Variants in COL5A2 observed in about 807,000 individuals in gnomAD.
COL5A2 encodes the protein collagen type V alpha 2 chain, also known as collagen alpha-2(V) chain.
In COL5A2, 23 loss-of-function variants were observed where a neutral mutation model predicts 208.2. The ratio of observed to expected loss-of-function variants is 0.11; its 90% CI spans 0.08 to 0.16. COL5A2 has a LOEUF of 0.16. Among genes scored for constraint, COL5A2 ranks in the 10% least tolerant of loss-of-function variants. The pLI is 1.00. For synonymous variants in COL5A2, 625 were observed against 628.5 expected, an observed-to-expected ratio of 0.99 and a Z score of 0.08; for missense variants, 1,590 against 1,956.4, an observed-to-expected ratio of 0.81 and a Z score of 3.53.
At chr2:189,440,033 A>G in the COL5A2 span, among the ~76,000 whole-genome samples, 2 of 152,244 alleles carry the variant, frequency 1.3e-5, no homozygotes, top group Non-Finnish European at 2.9e-5. Context: ...CACAGTCATG[A>G]AAGAGAAAGC....
intron 1 of COL5A2, among the ~76,000 whole-genome samples, chr2:189,143,596 T>C (rs1687977494): frequency 6.6e-6 from 1 of 152,178 alleles, no homozygotes; most frequent in Admixed American, 6.6e-5. Context: ...ATCCATTGTG[T>C]CCATTATACT....
In COL5A2 at chr2:189,224,608, A is replaced by T. The variant is rs553429441; in HGVS notation, c.-42+540T>A. 2.0e-5 allele frequency among the ~76,000 whole-genome samples: 3 copies of T among 152,074 alleles called. No individual in the cohort carries two copies. The East Asian group carries it at 5.8e-4, about 30-fold the overall frequency. On this transcript the variant is annotated intron_variant, in intron 1 of 10. Coordinates refer to the COL5A2 transcript ENST00000649966. Reference sequence around the variant, plus strand: ...GGAGGCTGAGGCAGGAGAATCACTTAAACACAAAAGGCGGAGGTTGAAGTG... The same window carrying T: ...GGAGGCTGAGGCAGGAGAATCACTTTAACACAAAAGGCGGAGGTTGAAGTG...
At chr2:189,077,233 C>G (rs1462108811) in intron 16 of COL5A2, among the ~76,000 whole-genome samples, 2 of 152,068 alleles carry the variant, frequency 1.3e-5, no homozygotes. Context: ...TTCTGGACAC[C>G]ACACCAATAA....
At chr2:189,340,881 T>TAA in the COL5A2 span, among the ~76,000 whole-genome samples, 1 of 152,194 alleles carries the variant, frequency 6.6e-6, no homozygotes. Context: ...TCCAAAGACG[T>TAA]TTAAAGCCTC....
chr2:189,186,160 AT>A (rs199656713), intron 1 of COL5A2, among the ~76,000 whole-genome samples: 1 of 151,008 alleles, frequency 6.6e-6, no homozygotes, highest in Non-Finnish European at 1.5e-5. Flanking sequence ...ACAATCAGCT[AT>A]TTTTTTTTAA....
the COL5A2 span, among the ~76,000 whole-genome samples, chr2:189,394,599 C>T: frequency 6.6e-6 from 1 of 152,188 alleles, no homozygotes; most frequent in African/African-American, 2.4e-5. Flanking sequence ...TCTTCCAGAA[C>T]CATGAGAAAT....
At chr2:189,335,899 A>C in the COL5A2 span, among the ~76,000 whole-genome samples, 2 of 152,132 alleles carry the variant, frequency 1.3e-5, no homozygotes, top group African/African-American at 4.8e-5. Context: ...TAAAGAGTGA[A>C]TTTGATGGGA....
chr2:189,114,091 TCTC>T (rs1687339163), intron 1 of COL5A2, among the ~76,000 whole-genome samples: 1 of 152,184 alleles, frequency 6.6e-6, no homozygotes, highest in African/African-American at 2.4e-5. Context: ...TGGCTTCCCT[TCTC>T]CTGAGAATTT....
At chr2:189,253,718 T>G in the COL5A2 span, among the ~76,000 whole-genome samples, 3 of 152,258 alleles carry the variant, frequency 2.0e-5, no homozygotes, top group Admixed American at 2.0e-4. Flanking sequence ...CAATTAAATT[T>G]GGTCGAAGTT....
the COL5A2 span, among the ~76,000 whole-genome samples, chr2:189,241,392 A>G: frequency 2.0e-5 from 3 of 152,226 alleles, no homozygotes; most frequent in South Asian, 4.1e-4. Flanking sequence ...AAATAAATTG[A>G]ATGAACATTG....
the COL5A2 span, among the ~76,000 whole-genome samples, chr2:189,415,337 T>A: frequency 6.6e-6 from 1 of 152,356 alleles, no homozygotes. Flanking sequence ...ATTTTGAATT[T>A]TCTTGAACCG....
intron 1 of COL5A2, among the ~76,000 whole-genome samples, chr2:189,209,534 A>T (rs1198454460): frequency 6.6e-6 from 1 of 152,228 alleles, no homozygotes; most frequent in Non-Finnish European, 1.5e-5. Flanking sequence ...TCAAGTAATG[A>T]GCCCCAGGTC....
chr2:189,203,635 A>G (rs1056140332), intron 1 of COL5A2, among the ~76,000 whole-genome samples: 1 of 152,184 alleles, frequency 6.6e-6, no homozygotes, highest in African/African-American at 2.4e-5. Flanking sequence ...CCCTACTTAC[A>G]TGGTTACAGT....
chr2:189,417,119 C>T, the COL5A2 span, among the ~76,000 whole-genome samples: 647 of 152,182 alleles, frequency 4.3e-3, 2 homozygotes, highest in African/African-American at 0.015. Context: ...AAATTTTAAA[C>T]GTTCTTCTAG....
intron 52 of COL5A2, 101 bp downstream of exon 52, chr2:189,036,515 A>C (rs957423733): frequency 1.3e-5 from 12 of 919,036 alleles, no homozygotes; most frequent in Non-Finnish European, 1.8e-5. Flanking sequence ...ATGGTAAAAT[A>C]AGCCTGGTTT....
intron 2 of COL5A2, among the ~76,000 whole-genome samples, chr2:189,106,898 T>C (rs1164668503): frequency 1.3e-5 from 2 of 151,510 alleles, no homozygotes; most frequent in Non-Finnish European, 3.0e-5. Context: ...GCTTCCTTAA[T>C]AGTCAATTAT....
At chr2:189,163,646 T>C (rs771901054) in intron 1 of COL5A2, among the ~76,000 whole-genome samples, 33 of 152,304 alleles carry the variant, frequency 2.2e-4, no homozygotes, top group African/African-American at 3.8e-4. Flanking sequence ...AGTACAGAAA[T>C]GTATTACCAT....
chr2:189,371,918 G>A, the COL5A2 span, among the ~76,000 whole-genome samples: 2 of 152,218 alleles, frequency 1.3e-5, no homozygotes, highest in Admixed American at 1.3e-4. Context: ...GGAGCCAAGA[G>A]CTAATAGCCA....
intron 1 of COL5A2, among the ~76,000 whole-genome samples, chr2:189,117,138 T>G (rs915155622): frequency 3.3e-5 from 5 of 152,150 alleles, no homozygotes; most frequent in Non-Finnish European, 7.4e-5. Flanking sequence ...CCATGTATCA[T>G]TGGGAAATCT....
Sources: gnomAD v4.1 joint callset for allele counts (sites outside exome capture counted in the v4.1 genomes callset) on GRCh38, gnomAD v4.1.1 for gene constraint, MANE v1.5 for transcripts, NCBI Gene and HGNC (gene_info 2026-07-23, HGNC 2026-07-21) for gene names.